CASKIN2: variants seen among roughly 807,000 people sequenced by gnomAD.
The protein encoded by CASKIN2 is CASK interacting protein 2, also known as caskin-2.
CASKIN2 carries 41 observed loss-of-function variants against 107.1 expected under a neutral mutation model. The ratio of observed to expected loss-of-function variants is 0.38; its 90% CI spans 0.30 to 0.50. The LOEUF is 0.50. Among genes scored for constraint, CASKIN2 ranks in the 20% least tolerant of loss-of-function variants. The probability of loss-of-function intolerance (pLI) is 0.92; values close to 1 mark genes in which losing one functional copy is unlikely to be tolerated. For synonymous variants in CASKIN2, 724 were observed against 705.6 expected, an observed-to-expected ratio of 1.03 and a Z score of -0.41; for missense variants, 1,546 against 1,657.4, an observed-to-expected ratio of 0.93 and a Z score of 1.17.
At position 75,505,157 on chromosome 17, in the gene CASKIN2, C is replaced by T. The variant is rs575435568; in HGVS notation, c.931-84G>A. 1,742 of 1,453,278 alleles carry T rather than the reference C, an allele frequency of 1.2e-3. 7 individuals carry two copies. In the Middle Eastern group the frequency reaches 0.022, roughly 19 times the overall value. The allele number at this position is 1,453,278 out of a possible 1,614,324, so 90.0% of individuals were successfully genotyped here. ...GGTTGTCCCTGCAGCTGCGGTCCGGCAACCCTGGTCCAGCTCTTTCCCTAC... is the reference window on the plus strand; with the variant it reads ...GGTTGTCCCTGCAGCTGCGGTCCGGTAACCCTGGTCCAGCTCTTTCCCTAC... On this transcript the variant is annotated intron_variant, in intron 10 of 19. Coordinates refer to ENST00000321617, the MANE Select transcript of CASKIN2 (RefSeq NM_020753.5). This position sits in a 1 kb window ranked among gnomAD's most constrained non-coding sequence, Gnocchi z 5.1.
Position 75,506,386 on chromosome 17 carries a change from G to C in CASKIN2, c.645C>G (p.Ile215Met). The C allele has an allele frequency of 3.1e-6, 5 of 1,611,164 alleles. No homozygotes were observed. Among genetic ancestry groups the C allele is most frequent in the Non-Finnish European group, 4.2e-6 (5 of 1,179,942 alleles). Residue 215 changes from isoleucine to methionine, a missense_variant, in exon 8 of 20, where the codon ATC becomes ATG. Around this residue, in one of 6 missense-constraint regions of CASKIN2, gnomAD observed 62 missense variants for 81.1 expected, o/e 0.76. Coordinates refer to ENST00000321617, the MANE Select transcript of CASKIN2 (RefSeq NM_020753.5). The surrounding 1 kb of genome is among the most constrained non-coding windows in gnomAD (Gnocchi z 4.8). Reference protein sequence around the residue: ...IRQLLRAGIEINRQTKTGTAL... With the variant: ...IRQLLRAGIEMNRQTKTGTAL... Reference sequence around the variant, plus strand: ...CCGTACCCGTCTTGGTCTGGCGGTTGATCTCGATCCCAGCTCTCAGGAGCT... The same window carrying C: ...CCGTACCCGTCTTGGTCTGGCGGTTCATCTCGATCCCAGCTCTCAGGAGCT...
Position 75,503,142 on chromosome 17 carries a change from C to T in CASKIN2, c.1932G>A (p.Glu644=), listed in dbSNP as rs377541786. The change falls in exon 18 of 20, where the codon GAG becomes GAA. Residue 644 remains glutamate (E), a synonymous_variant. Coordinates refer to ENST00000321617, the MANE Select transcript of CASKIN2 (RefSeq NM_020753.5). Reference sequence around the variant, plus strand: ...TCTCCAGTCCCTCGATGGCCATCAGCTCCGGACCCTTGGCCAGCCGGCGCC... The same window carrying T: ...TCTCCAGTCCCTCGATGGCCATCAGTTCCGGACCCTTGGCCAGCCGGCGCC... The part of the protein sequence containing the change: ...EGGRRLAKGP[E]LMAIEGLENG... The T allele has an allele frequency of 1.2e-6, 2 of 1,605,394 alleles. No individual in the cohort carries two copies. Among genetic ancestry groups the T allele is most frequent in the Non-Finnish European group, 1.7e-6 (2 of 1,177,616 alleles).
rs557020949 is a variant in CASKIN2, at chr17:75,504,241, G to A, written c.1441C>T (p.Arg481Trp). 5.8e-6 allele frequency: 9 copies of A among 1,551,752 alleles called. No individual in the cohort carries two copies. In the African/African-American group the frequency reaches 7.2e-5, roughly 12 times the overall value. ...SGEQIFTQDV[R>W]PEQLLEGKDA... ...TTCCCCTCCAGCAGCTGTTCTGGCCGCACGTCCTGGGTGAAGATCTGCTCC... is the reference window on the plus strand; with the variant it reads ...TTCCCCTCCAGCAGCTGTTCTGGCCACACGTCCTGGGTGAAGATCTGCTCC... Residue 481 changes from arginine (R) to tryptophan (W), a missense_variant, in exon 14 of 20, where the codon CGG (arginine) becomes TGG (tryptophan). Transcript: ENST00000321617.
chr17:75,508,933 C>T (rs1020697400), intron 2 of CASKIN2, among the ~76,000 whole-genome samples: 2 of 152,204 alleles, frequency 1.3e-5, no homozygotes, highest in African/African-American at 2.4e-5. Context: ...AACATCTAGC[C>T]CTCCTGACAT....
chr17:75,514,811 C>T (rs2053343257), intron 1 of CASKIN2, among the ~76,000 whole-genome samples: 1 of 152,228 alleles, frequency 6.6e-6, no homozygotes, highest in African/African-American at 2.4e-5. Context: ...TGCTGACCCG[C>T]CCTCGCCCCT....
chr17:75,511,350 A>G (rs977396068), intron 2 of CASKIN2, among the ~76,000 whole-genome samples: 1 of 152,056 alleles, frequency 6.6e-6, no homozygotes, highest in Non-Finnish European at 1.5e-5. Flanking sequence ...TTAAAAAGAA[A>G]AGAACAGAAC....
Position 75,502,749 on chromosome 17 carries a change from G to T in CASKIN2, c.2325C>A (p.Pro775=). ...GCCCGGCCAAGTAGGAGAAGGCCCAGGGTGCGCCAGGAGGTGGCCCTGGGG... is the reference window on the plus strand; with the variant it reads ...GCCCGGCCAAGTAGGAGAAGGCCCATGGTGCGCCAGGAGGTGGCCCTGGGG... ...SPAPGPPPGA[P]WAFSYLAGPP... The change falls in exon 18 of 20, where the codon CCC becomes CCA. Residue 775 remains proline, a synonymous_variant. Coordinates refer to ENST00000321617, the MANE Select transcript of CASKIN2 (RefSeq NM_020753.5). This position sits in a 1 kb window ranked among gnomAD's most constrained non-coding sequence, Gnocchi z 4.3. The T allele has an allele frequency of 1.3e-6, 2 of 1,593,582 alleles. No homozygotes were observed. The highest frequency in any genetic ancestry group is 8.6e-7 in the Non-Finnish European group (1 of 1,169,032).
chr17:75,507,657 A>G lies in CASKIN2; in HGVS notation c.171T>C (p.Ala57=), dbSNP rs1265547149. Reference sequence around the variant, plus strand: ...CTATGAGCTCCAGGCTGCCCCCCAAAGCAGCGTGGTGGAGGGCAGAGAATC... The same window carrying G: ...CTATGAGCTCCAGGCTGCCCCCCAAGGCAGCGTGGTGGAGGGCAGAGAATC... ...ADGFSALHHA[A]LGGSLELIAL... Residue 57 remains alanine (A), a synonymous_variant, in exon 4 of 20, where the codon GCT becomes GCC. Transcript: ENST00000321617. 6.2e-7 allele frequency: 1 copy of G among 1,612,946 alleles called. No homozygotes were observed.
At position 75,514,139 on chromosome 17, in the gene CASKIN2, A is replaced by C. The variant is rs2053337118; in HGVS notation, c.-335T>G. On this transcript the variant is annotated 5_prime_UTR_variant, in exon 2 of 20. Transcript: ENST00000321617. ...CTTCCCGGCTTGGCTGTGGAACACC[A>C]GTGCCCACCCAGAGAGCAGCCAGCA... 1 of 528,352 alleles carries C rather than the reference A, an allele frequency of 1.9e-6. No homozygotes were observed. The highest frequency in any genetic ancestry group is 3.3e-6 in the Non-Finnish European group (1 of 299,050). 32.7% of individuals were successfully genotyped at this position (528,352 alleles called of 1,614,324 possible). A position where few individuals can be genotyped will look rare whatever the true frequency, so the allele number is the denominator to read the frequency against.
At position 75,503,765 on chromosome 17, in the gene CASKIN2, C is replaced by T; in HGVS notation, c.1579-5G>A. On this transcript the variant is annotated splice_region_variant and splice_polypyrimidine_tract_variant and intron_variant, in intron 15 of 19. Transcript: ENST00000321617. ...CACCCCGATGGCCGTCAGGTCCTGC[C>T]ACACAAAGTCTGGCCATCAGGCCCC... is the stretch of plus-strand genomic sequence containing the variant. 6.2e-7 allele frequency: 1 copy of T among 1,612,432 alleles called. No homozygotes were observed. The highest frequency in any genetic ancestry group is 1.3e-5 in the African/African-American group (1 of 75,062).
intron 2 of CASKIN2, among the ~76,000 whole-genome samples, 178 bp from the exon 3 acceptor site, chr17:75,508,463 G>A (rs181076366): frequency 4.0e-5 from 6 of 151,864 alleles, no homozygotes; most frequent in African/African-American, 1.4e-4. Flanking sequence ...CCAGCAGCAT[G>A]AGGGCAGTGA....
At position 75,506,649 on chromosome 17, in the gene CASKIN2, G is replaced by A. The variant is rs775021513; in HGVS notation, c.551C>T (p.Pro184Leu). 8 of 1,613,384 alleles carry A rather than the reference G, an allele frequency of 5.0e-6. No individual in the cohort carries two copies. The highest frequency in any genetic ancestry group is 3.3e-5 in the Admixed American group (2 of 60,004). Residue 184 changes from proline (P) to leucine (L), a missense_variant, in exon 7 of 20, where the codon CCG becomes CTG. Physicochemically the swap from Pro to Leu is moderately conservative, Grantham distance 98. Transcript: ENST00000321617. The surrounding 1 kb of genome is among the most constrained non-coding windows in gnomAD (Gnocchi z 4.8). ...VALLEGEAKDPCDPNYTTPLH... is the reference protein window; with the variant it reads ...VALLEGEAKDLCDPNYTTPLH... ...GGGCGTGGTGTAGTTGGGGTCACAC[G>A]GGTCTTTGGCCTCACCCTCCAGCAG...
At chr17:75,515,147 C>T (rs1406295935) in intron 1 of CASKIN2, 2 of 152,300 alleles carry the variant, frequency 1.3e-5, no homozygotes, top group Admixed American at 1.3e-4. Context: ...GGCTCCCCCG[C>T]CCCCCGGAAT....
At chr17:75,514,803 C>T (rs2053343156) in intron 1 of CASKIN2, among the ~76,000 whole-genome samples, 1 of 152,220 alleles carries the variant, frequency 6.6e-6, no homozygotes, top group Non-Finnish European at 1.5e-5. Flanking sequence ...GCACCTGTTG[C>T]TGACCCGCCC....
Position 75,501,579 on chromosome 17 carries a change from G to A in CASKIN2, c.3407C>T (p.Thr1136Ile), listed in dbSNP as rs1461286832. ...GGCCTGGCCTGGGCCCACAGTCCCA[G>A]TGCTCTCAGGCCGTGGAGGAGGCAC... is the stretch of plus-strand genomic sequence containing the variant. ...RPVPPPRPES[T>I]GTVGPGQAQQ... Residue 1136 changes from threonine to isoleucine, a missense_variant, in exon 19 of 20, where the codon ACT (threonine) becomes ATT (isoleucine). Transcript: ENST00000321617. 1 of 1,610,206 alleles carries A rather than the reference G, an allele frequency of 6.2e-7. No individual in the cohort carries two copies. Among genetic ancestry groups the A allele is most frequent in the Non-Finnish European group, 8.5e-7 (1 of 1,178,106 alleles).
Position 75,507,668 on chromosome 17 carries a change from G to A in CASKIN2, c.160C>T (p.His54Tyr). The change falls in exon 4 of 20, where the codon CAC (histidine) becomes TAC (tyrosine). Residue 54 changes from histidine (H) to tyrosine (Y), a missense_variant. This residue lies in a region of CASKIN2 where 136 missense variants were observed against 198.6 expected (regional missense o/e 0.68). Coordinates refer to ENST00000321617, the MANE Select transcript of CASKIN2 (RefSeq NM_020753.5). Reference protein sequence around the residue: ...YQDADGFSALHHAALGGSLEL... With the variant: ...YQDADGFSALYHAALGGSLEL... ...AGGCTGCCCCCCAAAGCAGCGTGGT[G>A]GAGGGCAGAGAATCTGATGTGGGAG... 6.2e-7 allele frequency: 1 copy of A among 1,612,458 alleles called. No homozygotes were observed. Among genetic ancestry groups the A allele is most frequent in the East Asian group, 2.2e-5 (1 of 44,852 alleles).
rs1366384088 is a variant in CASKIN2 at position 75,505,950 on chromosome 17, G to A, written c.727-21C>T. The A allele has an allele frequency of 2.9e-5, 47 of 1,601,710 alleles. No homozygotes were observed. Among genetic ancestry groups the A allele is most frequent in the Non-Finnish European group, 4.0e-5 (47 of 1,170,172 alleles). Reference sequence around the variant, plus strand: ...CCTCCCTGGGTGCACAGTGTCACATGAGCACACGCTAAGCACTTTGACACC... The same window carrying A: ...CCTCCCTGGGTGCACAGTGTCACATAAGCACACGCTAAGCACTTTGACACC... On this transcript the variant is annotated intron_variant, in intron 8 of 19. Transcript: ENST00000321617. The surrounding 1 kb of genome is among the most constrained non-coding windows in gnomAD (Gnocchi z 5.1).
Position 75,501,608 on chromosome 17 carries a change from G to A in CASKIN2, c.3378C>T (p.Arg1126=). The A allele has an allele frequency of 6.2e-7, 1 of 1,605,646 alleles. No individual in the cohort carries two copies. Among genetic ancestry groups the A allele is most frequent in the Non-Finnish European group, 8.5e-7 (1 of 1,175,342 alleles). The part of the protein sequence containing the change: ...GPKLAPRLGP[R]PVPPPRPEST... ...TCTCAGGCCGTGGAGGAGGCACTGG[G>A]CGGGGGCCGAGCCGGGGCGCTAGCT... The change falls in exon 19 of 20, where the codon CGC becomes CGT. Residue 1126 remains arginine, a synonymous_variant. Transcript: ENST00000321617.
intron 2 of CASKIN2, among the ~76,000 whole-genome samples, chr17:75,510,086 G>A (rs533161495): frequency 2.0e-5 from 3 of 152,362 alleles, no homozygotes; most frequent in Admixed American, 6.5e-5. Flanking sequence ...CGGGCCTGGC[G>A]CTGGGGGTGG....
Sources: allele counts gnomAD v4.1 joint callset (sites outside exome capture counted in the v4.1 genomes callset), GRCh38; gene constraint gnomAD v4.1.1; regional missense constraint gnomAD v4.1.1; non-coding constraint Gnocchi (gnomAD v3.1); transcripts MANE v1.5; gene names NCBI Gene and HGNC (gene_info 2026-07-23, HGNC 2026-07-21).